The following IMP3 variants were observed in gnomAD, a reference collection of about 807,000 sequenced individuals.
The protein encoded by IMP3 is U3 small nucleolar ribonucleoprotein IMP3.
In IMP3, 17 loss-of-function variants were observed where a neutral mutation model predicts 10.2. The observed-to-expected ratio is 1.67, with a 90% CI of 1.14 to 2.50. IMP3 has a LOEUF of 2.50. Ranked by LOEUF, IMP3 falls within the 30% of genes most tolerant of loss-of-function variation. The pLI, the probability that IMP3 is intolerant of heterozygous loss-of-function variation, is 0.00. For missense variants in IMP3, 290 were observed against 260.2 expected (o/e 1.11, Z -0.79); for synonymous variants, 167 against 120.1 (o/e 1.39, Z -2.55).
rs1467295702 is a variant in IMP3, at chr15:75,640,215, T to G, written c.-47A>C. ...AGGACCCGAAGCTGAGAGCGCGTTC[T>G]GGCATCCGCGCGATTTCCGCCGCGG... On this transcript the variant is annotated 5_prime_UTR_variant, in exon 1 of 1. Transcript: ENST00000403490. 2 of 1,472,062 alleles carry G rather than the reference T, an allele frequency of 1.4e-6. No homozygotes were observed. The highest frequency in any genetic ancestry group is 1.8e-6 in the Non-Finnish European group (2 of 1,112,246). The allele number at this position is 1,472,062 out of a possible 1,614,324, so 91.2% of individuals were successfully genotyped here. A position where few individuals can be genotyped will look rare whatever the true frequency, so the allele number is the denominator to read the frequency against.
Position 75,639,788 on chromosome 15 carries a change from G to T in IMP3, c.381C>A (p.Ala127=), listed in dbSNP as rs13737. 0.28 allele frequency: 450,638 copies of T among 1,612,646 alleles called. 68,026 individuals carry two copies. Among genetic ancestry groups the T allele is most frequent in the African/African-American group, 0.49 (36,939 of 74,986 alleles). The change falls in exon 1 of 1, where the codon GCC becomes GCA. Residue 127 remains alanine, a synonymous_variant. Coordinates refer to ENST00000403490, the MANE Select transcript of IMP3 (RefSeq NM_018285.4). ...KLRMAQHLQA[A]VAFVEQGHVR... ...CGTGCCCTTGCTCCACAAAGGCCAC[G>T]GCAGCCTGAAGGTGCTGCGCCATGC... is the stretch of plus-strand genomic sequence containing the variant.
Position 75,639,917 on chromosome 15 carries a change from A to G in IMP3, c.252T>C (p.Tyr84=). The G allele has an allele frequency of 1.9e-6, 3 of 1,610,568 alleles. No homozygotes were observed. Among genetic ancestry groups the G allele is most frequent in the Admixed American group, 1.7e-5 (1 of 59,612 alleles). ...RASAALLDKL[Y]ALGLVPTRGS... ...CGCGCGTGGGCACCAAGCCGAGAGC[A>G]TACAGCTTGTCCAGCAGCGCGGCCG... The change falls in exon 1 of 1, where the codon TAT becomes TAC. Residue 84 remains tyrosine (Y), a synonymous_variant. Transcript: ENST00000403490.
In IMP3 at chr15:75,639,441, G is replaced by A; in HGVS notation, c.*173C>T. 1.6e-6 allele frequency: 1 copy of A among 611,324 alleles called. No individual in the cohort carries two copies. The highest frequency in any genetic ancestry group is 2.9e-6 in the Non-Finnish European group (1 of 350,640). The allele number at this position is 611,324 out of a possible 1,614,324, so 37.9% of individuals were successfully genotyped here. On this transcript the variant is annotated 3_prime_UTR_variant, in exon 1 of 1. Transcript: ENST00000403490. ...GTCCAAGTTCTAAGAACATTCCCTGGAAAACAAGGACGCACCTCCCGTGGC... is the reference window on the plus strand; with the variant it reads ...GTCCAAGTTCTAAGAACATTCCCTGAAAAACAAGGACGCACCTCCCGTGGC...
rs1893394610 is a variant in IMP3 at position 75,639,683 on chromosome 15, G to A, written c.486C>T (p.Asp162=). The change falls in exon 1 of 1, where the codon GAC becomes GAT. Residue 162 remains aspartate, a synonymous_variant. Transcript: ENST00000403490. The part of the protein sequence containing the change: ...RSMEDFVTWV[D]SSKIKRHVLE... ...GCACGTGCCGCTTGATCTTGGACGA[G>A]TCCACCCAAGTGACAAAGTCCTCCA... The A allele has an allele frequency of 6.2e-6, 10 of 1,613,946 alleles. No individual in the cohort carries two copies. The highest frequency in any genetic ancestry group is 5.1e-6 in the Non-Finnish European group (6 of 1,180,040).
rs1328414770 is a variant in IMP3 at position 75,640,192 on chromosome 15, G to A, written c.-24C>T. The A allele has an allele frequency of 8.0e-6, 12 of 1,497,024 alleles. No individual in the cohort carries two copies. The highest frequency in any genetic ancestry group is 2.4e-5 in the East Asian group (1 of 41,550). The allele number at this position is 1,497,024 out of a possible 1,614,324, so 92.7% of individuals were successfully genotyped here. A position where few individuals can be genotyped will look rare whatever the true frequency, so the allele number is the denominator to read the frequency against. On this transcript the variant is annotated 5_prime_UTR_variant, in exon 1 of 1. Coordinates refer to ENST00000403490, the MANE Select transcript of IMP3 (RefSeq NM_018285.4). ...ATGATGGCGGCAGCCGCAGCCGCAG[G>A]ACCCGAAGCTGAGAGCGCGTTCTGG...
chr15:75,639,693 G>A lies in IMP3; in HGVS notation c.476C>T (p.Thr159Ile), dbSNP rs757945550. 6.2e-7 allele frequency: 1 copy of A among 1,613,928 alleles called. No individual in the cohort carries two copies. The highest frequency in any genetic ancestry group is 1.7e-5 in the Admixed American group (1 of 60,032). The part of the protein sequence containing the change: ...LVTRSMEDFV[T>I]WVDSSKIKRH... The stretch of plus-strand genomic sequence containing the variant: ...CTTGATCTTGGACGAGTCCACCCAA[G>A]TGACAAAGTCCTCCATGCTGCGCGT... The change falls in exon 1 of 1, where the codon ACT becomes ATT. Residue 159 changes from threonine to isoleucine, a missense_variant. Physicochemically the swap from Thr to Ile is moderately conservative, Grantham distance 89. Transcript: ENST00000403490.
Position 75,639,612 on chromosome 15 carries a change from C to G in IMP3, c.*2G>C. Reference sequence around the variant, plus strand: ...AGACAGCCATGCAAAGTGGGAGATCCGCTAGGCTTCCAGATCGAAGTCATC... The same window carrying G: ...AGACAGCCATGCAAAGTGGGAGATCGGCTAGGCTTCCAGATCGAAGTCATC... On this transcript the variant is annotated 3_prime_UTR_variant, in exon 1 of 1. Coordinates refer to ENST00000403490, the MANE Select transcript of IMP3 (RefSeq NM_018285.4). The G allele has an allele frequency of 6.2e-7, 1 of 1,613,200 alleles. No individual in the cohort carries two copies. Among genetic ancestry groups the G allele is most frequent in the Non-Finnish European group, 8.5e-7 (1 of 1,179,700 alleles).
Position 75,639,839 on chromosome 15 carries a change from G to A in IMP3, c.330C>T (p.Arg110=). The change falls in exon 1 of 1, where the codon CGC becomes CGT. Residue 110 remains arginine, a synonymous_variant. Transcript: ENST00000403490. ...FVTASSFCRR[R]LPTVLLKLRM... ...GCAGCTTGAGGAGCACGGTGGGGAG[G>A]CGGCGGCGGCAGAAGGACGAGGCCG... 6.2e-7 allele frequency: 1 copy of A among 1,610,516 alleles called. No homozygotes were observed. The highest frequency in any genetic ancestry group is 8.5e-7 in the Non-Finnish European group (1 of 1,178,836).
rs759530204 is a variant in IMP3 at position 75,640,034 on chromosome 15, G to A, written c.135C>T (p.Tyr45=). ...RRYRLQRRED[Y]TRYNQLSRAV... ...CACGGCTCAGCTGGTTGTAGCGCGT[G>A]TAGTCCTCCCGCCGCTGCAGCCGGT... is the stretch of plus-strand genomic sequence containing the variant. The change falls in exon 1 of 1, where the codon TAC becomes TAT. Residue 45 remains tyrosine, a synonymous_variant. Transcript: ENST00000403490. 3 of 1,599,120 alleles carry A rather than the reference G, an allele frequency of 1.9e-6. No homozygotes were observed. Among genetic ancestry groups the A allele is most frequent in the Non-Finnish European group, 2.6e-6 (3 of 1,174,210 alleles).
rs755820956 is a variant in IMP3 at position 75,640,002 on chromosome 15, C to CGCACG, written c.162_166dup (p.Arg56ProfsTer118). 1 of 1,601,686 alleles carries CGCACG rather than the reference C, an allele frequency of 6.2e-7. No homozygotes were observed. Among genetic ancestry groups the CGCACG allele is most frequent in the Non-Finnish European group, 8.5e-7 (1 of 1,175,008 alleles). On this transcript the variant is annotated frameshift_variant, in exon 1 of 1. Coordinates refer to ENST00000403490, the MANE Select transcript of IMP3 (RefSeq NM_018285.4). LOFTEE classifies it high-confidence loss of function. ...GTCGCGCAGGCGCCGCGCCAGCTCA[C>CGCACG]GCACGGCACGGCTCAGCTGGTTGTA...
chr15:75,639,745 C>T lies in IMP3; in HGVS notation c.424G>A (p.Val142Met), dbSNP rs1242703250. 6.2e-7 allele frequency: 1 copy of T among 1,613,468 alleles called. No individual in the cohort carries two copies. Among genetic ancestry groups the T allele is most frequent in the African/African-American group, 1.3e-5 (1 of 74,950 alleles). ...ACAAGGAAGGCGGGGTCGGTAACCA[C>T]GTCAGGGCCCACGCGTACGTGCCCT... ...EQGHVRVGPD[V>M]VTDPAFLVTR... The change falls in exon 1 of 1, where the codon GTG becomes ATG. Residue 142 changes from valine to methionine, a missense_variant. Coordinates refer to ENST00000403490, the MANE Select transcript of IMP3 (RefSeq NM_018285.4).
At position 75,639,710 on chromosome 15, in the gene IMP3, G is replaced by C; in HGVS notation, c.459C>G (p.Ser153Arg). The C allele has an allele frequency of 6.2e-7, 1 of 1,613,890 alleles. No individual in the cohort carries two copies. Among genetic ancestry groups the C allele is most frequent in the Non-Finnish European group, 8.5e-7 (1 of 1,180,052 alleles). The change falls in exon 1 of 1, where the codon AGC becomes AGG. Residue 153 changes from serine to arginine, a missense_variant. Ser to Arg is a moderately radical substitution (Grantham distance 110). Coordinates refer to ENST00000403490, the MANE Select transcript of IMP3 (RefSeq NM_018285.4). ...VTDPAFLVTR[S>R]MEDFVTWVDS... ...CCACCCAAGTGACAAAGTCCTCCAT[G>C]CTGCGCGTGACAAGGAAGGCGGGGT...
In IMP3 at chr15:75,639,990, C is replaced by T; in HGVS notation, c.179G>A (p.Arg60Gln). ...GCGTTCGGGCAGGTCGCGCAGGCGCCGCGCCAGCTCACGCACGGCACGGCT... is the reference window on the plus strand; with the variant it reads ...GCGTTCGGGCAGGTCGCGCAGGCGCTGCGCCAGCTCACGCACGGCACGGCT... Reference protein sequence around the residue: ...QLSRAVRELARRLRDLPERDQ... With the variant: ...QLSRAVRELAQRLRDLPERDQ... The change falls in exon 1 of 1, where the codon CGG becomes CAG. Residue 60 changes from arginine to glutamine, a missense_variant. Arg to Gln is a conservative substitution (Grantham distance 43). Transcript: ENST00000403490. 6.2e-7 allele frequency: 1 copy of T among 1,602,104 alleles called. No individual in the cohort carries two copies. Among genetic ancestry groups the T allele is most frequent in the Non-Finnish European group, 8.5e-7 (1 of 1,175,122 alleles).
In IMP3 at chr15:75,639,504, A is replaced by G. The variant is rs1270969764; in HGVS notation, c.*110T>C. ...CTGCCACTGATGAATCAAATTCTTAAGAACCTACGACCGTCTGATACCCTT... is the reference window on the plus strand; with the variant it reads ...CTGCCACTGATGAATCAAATTCTTAGGAACCTACGACCGTCTGATACCCTT... On this transcript the variant is annotated 3_prime_UTR_variant, in exon 1 of 1. Coordinates refer to ENST00000403490, the MANE Select transcript of IMP3 (RefSeq NM_018285.4). 1.1e-5 allele frequency: 10 copies of G among 948,036 alleles called. No homozygotes were observed. In the Admixed American group the frequency reaches 1.7e-4, roughly 16 times the overall value. 58.7% of individuals were successfully genotyped at this position (948,036 alleles called of 1,614,324 possible). A position where few individuals can be genotyped will look rare whatever the true frequency, so the allele number is the denominator to read the frequency against.
Position 75,640,161 on chromosome 15 carries a change from C to A in IMP3, c.8G>T (p.Arg3Leu). ...CTTCTGCTCGTGGAACTTAAGCTTC[C>A]GCACCATGATGGCGGCAGCCGCAGC... MV[R>L]KLKFHEQKLL... The change falls in exon 1 of 1, where the codon CGG (arginine) becomes CTG (leucine). Residue 3 changes from arginine (R) to leucine (L), a missense_variant. Physicochemically the swap from Arg to Leu is moderately radical, Grantham distance 102. Coordinates refer to ENST00000403490, the MANE Select transcript of IMP3 (RefSeq NM_018285.4). 1 of 1,529,240 alleles carries A rather than the reference C, an allele frequency of 6.5e-7. No homozygotes were observed. The highest frequency in any genetic ancestry group is 2.3e-5 in the East Asian group (1 of 42,700). The allele number at this position is 1,529,240 out of a possible 1,614,324, so 94.7% of individuals were successfully genotyped here. A position where few individuals can be genotyped will look rare whatever the true frequency, so the allele number is the denominator to read the frequency against.
Position 75,640,211 on chromosome 15 carries a change from G to T in IMP3, c.-43C>A, listed in dbSNP as rs979221547. ...CCGCAGGACCCGAAGCTGAGAGCGC[G>T]TTCTGGCATCCGCGCGATTTCCGCC... On this transcript the variant is annotated 5_prime_UTR_variant, in exon 1 of 1. Coordinates refer to ENST00000403490, the MANE Select transcript of IMP3 (RefSeq NM_018285.4). 4 of 1,476,362 alleles carry T rather than the reference G, an allele frequency of 2.7e-6. No individual in the cohort carries two copies. Among genetic ancestry groups the T allele is most frequent in the Non-Finnish European group, 2.7e-6 (3 of 1,114,476 alleles). The allele number at this position is 1,476,362 out of a possible 1,614,324, so 91.5% of individuals were successfully genotyped here.
rs1193834735 is a variant in IMP3, at chr15:75,640,177, C to T, written c.-9G>A. 2 of 1,498,308 alleles carry T rather than the reference C, an allele frequency of 1.3e-6. No homozygotes were observed. Among genetic ancestry groups the T allele is most frequent in the Middle Eastern group, 2.5e-4 (1 of 4,034 alleles). The allele number at this position is 1,498,308 out of a possible 1,614,324, so 92.8% of individuals were successfully genotyped here. A position where few individuals can be genotyped will look rare whatever the true frequency, so the allele number is the denominator to read the frequency against. On this transcript the variant is annotated 5_prime_UTR_variant, in exon 1 of 1. Transcript: ENST00000403490. ...TTAAGCTTCCGCACCATGATGGCGG[C>T]AGCCGCAGCCGCAGGACCCGAAGCT...
chr15:75,639,899 G>A lies in IMP3; in HGVS notation c.270C>T (p.Pro90=). Residue 90 remains proline (P), a synonymous_variant, in exon 1 of 1, where the codon CCC becomes CCT. Transcript: ENST00000403490. ...LDKLYALGLV[P]TRGSLELCDF... ...CGCAGAGCTCCAGCGAACCGCGCGT[G>A]GGCACCAAGCCGAGAGCATACAGCT... The A allele has an allele frequency of 1.2e-6, 2 of 1,610,742 alleles. No individual in the cohort carries two copies. The highest frequency in any genetic ancestry group is 1.7e-6 in the Non-Finnish European group (2 of 1,178,980).
chr15:75,640,188 G>C lies in IMP3; in HGVS notation c.-20C>G. On this transcript the variant is annotated 5_prime_UTR_variant, in exon 1 of 1. Coordinates refer to ENST00000403490, the MANE Select transcript of IMP3 (RefSeq NM_018285.4). ...CACCATGATGGCGGCAGCCGCAGCC[G>C]CAGGACCCGAAGCTGAGAGCGCGTT... 1 of 1,499,230 alleles carries C rather than the reference G, an allele frequency of 6.7e-7. No individual in the cohort carries two copies. Among genetic ancestry groups the C allele is most frequent in the Non-Finnish European group, 8.9e-7 (1 of 1,125,490 alleles). 92.9% of individuals were successfully genotyped at this position (1,499,230 alleles called of 1,614,324 possible). A position where few individuals can be genotyped will look rare whatever the true frequency, so the allele number is the denominator to read the frequency against.
Sources: gnomAD v4.1 joint callset for allele counts on GRCh38, gnomAD v4.1.1 for gene constraint, MANE v1.5 for transcripts, NCBI Gene and HGNC (gene_info 2026-07-23, HGNC 2026-07-21) for gene names.